The following GPC5 variants were observed in gnomAD, a reference collection of about 807,000 sequenced individuals.
GPC5 encodes glypican 5, also known as glypican-5.
A neutral mutation model predicts 53.9 loss-of-function variants in GPC5; 47 were observed. The ratio of observed to expected loss-of-function variants is 0.87; its 90% CI spans 0.69 to 1.11. The LOEUF (loss-of-function observed/expected upper bound fraction) is 1.11, where lower values mean the gene tolerates loss of function less well. GPC5 is among the 50% of genes most tolerant of loss of function. GPC5 has a pLI of 0.00. For missense variants in GPC5, 748 were observed against 713.1 expected, an observed-to-expected ratio of 1.05 and a Z score of -0.56; for synonymous variants, 286 against 263.3, an observed-to-expected ratio of 1.09 and a Z score of -0.84.
chr13:92,346,008 C>T (rs1342270515), intron 7 of GPC5, among the ~76,000 whole-genome samples: 2 of 152,156 alleles, frequency 1.3e-5, no homozygotes, highest in East Asian at 1.9e-4. Flanking sequence ...TACTTTGAGT[C>T]TCTAGATAGC....
chr13:91,510,003 G>T (rs961366755), intron 2 of GPC5, among the ~76,000 whole-genome samples: 63 of 151,986 alleles, frequency 4.1e-4, no homozygotes, highest in Non-Finnish European at 8.5e-4. Context: ...GATATTTGAA[G>T]TATTTACCTC....
chr13:92,780,786 A>G (rs1875995434), intron 7 of GPC5, among the ~76,000 whole-genome samples: 1 of 152,080 alleles, frequency 6.6e-6, no homozygotes. Context: ...TCAATCATAG[A>G]ATATCAGATA....
chr13:92,100,226 A>T (rs2041454602), intron 6 of GPC5, among the ~76,000 whole-genome samples: 1 of 152,152 alleles, frequency 6.6e-6, no homozygotes, highest in African/African-American at 2.4e-5. Context: ...AAGATGGTGA[A>T]ACCCTGTCTC....
In GPC5 at chr13:92,088,385, G is replaced by A. The variant is rs139664295; in HGVS notation, c.1402-56445G>A. 1.2e-3 allele frequency among the ~76,000 whole-genome samples: 183 copies of A among 152,236 alleles called. 2 individuals are homozygous for A. The East Asian group carries it at 0.03, about 25-fold the overall frequency. On this transcript the variant is annotated intron_variant, in intron 6 of 7. Coordinates refer to ENST00000377067, the MANE Select transcript of GPC5 (RefSeq NM_004466.6). ...GAAGAAGGAAGCTGGATTGGGGGAC[G>A]GGGGAAAAGCTGGGCTGAAAAGAAG...
chr13:91,990,659 G>T lies in GPC5; in HGVS notation c.1401+82602G>T, dbSNP rs184497514. On this transcript the variant is annotated intron_variant, in intron 6 of 7. Coordinates refer to ENST00000377067, the MANE Select transcript of GPC5 (RefSeq NM_004466.6). ...AATGGTAATTCAGTCAACAAGTGCC[G>T]ATGAGTTGGTGCTGTGCACAGTGTA... 7.0e-4 allele frequency among the ~76,000 whole-genome samples: 107 copies of T among 152,212 alleles called. No homozygotes were observed. The Middle Eastern group carries it at 0.017, about 24-fold the overall frequency.
intron 2 of GPC5, among the ~76,000 whole-genome samples, chr13:91,475,248 C>T (rs1409435760): frequency 6.6e-6 from 1 of 152,070 alleles, no homozygotes; most frequent in Non-Finnish European, 1.5e-5. Context: ...ACCCATCTTC[C>T]ATTGGAAATA....
chr13:91,852,087 C>T (rs1487342987), intron 5 of GPC5, among the ~76,000 whole-genome samples: 1 of 151,908 alleles, frequency 6.6e-6, no homozygotes, highest in East Asian at 1.9e-4. Flanking sequence ...CTGACTTCCA[C>T]AATGGTTGAA....
At chr13:92,793,447 C>T (rs1241278932) in intron 7 of GPC5, among the ~76,000 whole-genome samples, 4 of 151,768 alleles carry the variant, frequency 2.6e-5, no homozygotes, top group African/African-American at 9.7e-5. Context: ...GATCTAAAAT[C>T]GACACCCTAA....
intron 5 of GPC5, among the ~76,000 whole-genome samples, chr13:91,786,950 T>C: frequency 6.6e-6 from 1 of 151,832 alleles, no homozygotes; most frequent in East Asian, 1.9e-4. Context: ...TTTCTCTTTT[T>C]TTTTTTTTTG....
intron 2 of GPC5, among the ~76,000 whole-genome samples, chr13:91,518,453 A>T (rs1885627848): frequency 6.6e-6 from 1 of 152,232 alleles, no homozygotes; most frequent in East Asian, 1.9e-4. Flanking sequence ...TTAAAAGTTT[A>T]TTTCTAAATA....
At chr13:92,159,243 G>A (rs572772010) in intron 7 of GPC5, among the ~76,000 whole-genome samples, 4 of 152,234 alleles carry the variant, frequency 2.6e-5, no homozygotes, top group African/African-American at 9.6e-5. Flanking sequence ...GTCCTAAAAG[G>A]AGATTAAAAG....
chr13:92,150,067 TA>T (rs2041896264), intron 7 of GPC5, among the ~76,000 whole-genome samples: 1 of 151,994 alleles, frequency 6.6e-6, no homozygotes, highest in Admixed American at 6.6e-5. Context: ...AACCCATTAA[TA>T]TTTTTTCAAA....
chr13:91,449,126 C>A (rs569791124), intron 2 of GPC5, among the ~76,000 whole-genome samples: 60 of 152,116 alleles, frequency 3.9e-4, no homozygotes, highest in Non-Finnish European at 7.8e-4. Flanking sequence ...ATTGGGGAAA[C>A]TGAGTTGGAC....
intron 7 of GPC5, among the ~76,000 whole-genome samples, chr13:92,384,686 C>T (rs548527586): frequency 6.6e-6 from 1 of 152,118 alleles, no homozygotes; most frequent in African/African-American, 2.4e-5. Flanking sequence ...TTACCTTCAT[C>T]TGAGCAACAC....
At chr13:92,229,464 C>T (rs1004069283) in intron 7 of GPC5, among the ~76,000 whole-genome samples, 4 of 151,886 alleles carry the variant, frequency 2.6e-5, no homozygotes, top group African/African-American at 9.7e-5. Flanking sequence ...CTTAATATTC[C>T]TAATAAAATC....
At chr13:91,729,356 A>G (rs1035739209) in intron 4 of GPC5, among the ~76,000 whole-genome samples, 6 of 152,122 alleles carry the variant, frequency 3.9e-5, no homozygotes, top group African/African-American at 1.2e-4. Context: ...GGAAATTATT[A>G]TATGTGTGTG....
intron 7 of GPC5, among the ~76,000 whole-genome samples, chr13:92,161,946 A>G (rs1419888592): frequency 9.8e-6 from 1 of 102,502 alleles, no homozygotes; most frequent in Non-Finnish European, 2.1e-5. Context: ...CCTATTAAGT[A>G]ATATATAGCC....
At chr13:92,135,522 C>A (rs528341863) in intron 6 of GPC5, among the ~76,000 whole-genome samples, 3 of 152,050 alleles carry the variant, frequency 2.0e-5, no homozygotes, top group Non-Finnish European at 4.4e-5. Flanking sequence ...GTGGAACTGG[C>A]CACATTTTGA....
At chr13:92,355,968 A>C (rs1379807607) in intron 7 of GPC5, among the ~76,000 whole-genome samples, 1 of 144,940 alleles carries the variant, frequency 6.9e-6, no homozygotes, top group Non-Finnish European at 1.5e-5. Context: ...TATGATCACT[A>C]CCCTGAATAT....
Sources: allele counts gnomAD v4.1 joint callset (sites outside exome capture counted in the v4.1 genomes callset), GRCh38; gene constraint gnomAD v4.1.1; transcripts MANE v1.5; gene names NCBI Gene and HGNC (gene_info 2026-07-23, HGNC 2026-07-21).